ABCA8: variants seen among roughly 807,000 people sequenced by gnomAD.
The protein encoded by ABCA8 is ABC-type organic anion transporter ABCA8.
A neutral mutation model predicts 192.3 loss-of-function variants in ABCA8; 177 were observed. The observed-to-expected ratio is 0.92, with a 90% confidence interval of 0.81 to 1.04. ABCA8 has a LOEUF of 1.04. Ranked by LOEUF, ABCA8 falls within the 50% of genes least tolerant of loss-of-function variation. The probability of loss-of-function intolerance (pLI) is 0.00; values close to 1 mark genes in which losing one functional copy is unlikely to be tolerated. For missense variants in ABCA8, 1,915 were observed against 1,904.8 expected, an observed-to-expected ratio of 1.01 and a Z score of -0.10; for synonymous variants, 642 against 690.2, an observed-to-expected ratio of 0.93 and a Z score of 1.09.
chr17:68,932,819 C>CA (rs2143707603), intron 6 of ABCA8, among the ~76,000 whole-genome samples: 1 of 152,302 alleles, frequency 6.6e-6, no homozygotes, highest in South Asian at 2.1e-4. Context: ...TCTCAAGCTT[C>CA]AAGCTGGAAT....
chr17:68,902,647 G>T (rs2066943472), intron 21 of ABCA8, 66 bp downstream of exon 21: 1 of 1,301,770 alleles, frequency 7.7e-7, no homozygotes, highest in Non-Finnish European at 1.0e-6. Flanking sequence ...CTTTCTCATG[G>T]TTATGTTTTC....
At chr17:68,915,476 A>G (rs1249374349) in intron 17 of ABCA8, among the ~76,000 whole-genome samples, 2 of 152,330 alleles carry the variant, frequency 1.3e-5, no homozygotes, top group South Asian at 2.1e-4. Flanking sequence ...ATCTGAATAG[A>G]TAGTTCCCAA....
rs1162803209 is a variant in ABCA8, at chr17:68,932,488, C to T, written c.597G>A (p.Glu199=). The change falls in exon 7 of 40, where the codon GAG becomes GAA. Residue 199 remains glutamate, a synonymous_variant. Transcript: ENST00000586539. ...TTTTTCCAGTAACTGACATCAGCTC[C>T]TCCATCACTGAGTGATTTGTTGTGA... is the stretch of plus-strand genomic sequence containing the variant. ...IEITTNHSVM[E]ELMSVTGKNM... is the part of the protein sequence containing the mutation. The T allele has an allele frequency of 1.9e-6, 3 of 1,613,510 alleles. No individual in the cohort carries two copies. The highest frequency in any genetic ancestry group is 1.7e-5 in the Admixed American group (1 of 60,022).
intron 17 of ABCA8, among the ~76,000 whole-genome samples, chr17:68,909,256 A>C (rs2067174523): frequency 6.6e-6 from 1 of 152,134 alleles, no homozygotes; most frequent in African/African-American, 2.4e-5. Flanking sequence ...CTAGATAGTA[A>C]ATTTTCTAGG....
rs576385502 is a variant in ABCA8 at position 68,920,673 on chromosome 17, G to A, written c.1612+709C>T. On this transcript the variant is annotated intron_variant, in intron 13 of 39. Coordinates refer to ENST00000586539, the MANE Select transcript of ABCA8 (RefSeq NM_001288985.2). Reference sequence around the variant, plus strand: ...TTAACAGCTGATTTATTTGTCAATTGACTTTGAAAATAAACTAGTTTTTAC... The same window carrying A: ...TTAACAGCTGATTTATTTGTCAATTAACTTTGAAAATAAACTAGTTTTTAC... Among the ~76,000 whole-genome samples the A allele has an allele frequency of 5.3e-5, 8 of 152,094 alleles. No homozygotes were observed. The East Asian group carries it at 5.8e-4, about 11-fold the overall frequency.
At chr17:68,896,764 G>A (rs914276997) in intron 21 of ABCA8, among the ~76,000 whole-genome samples, 2 of 152,148 alleles carry the variant, frequency 1.3e-5, no homozygotes, top group East Asian at 3.8e-4. Flanking sequence ...CCTTTAAGTG[G>A]AAAGGTGAAA....
intron 24 of ABCA8, among the ~76,000 whole-genome samples, chr17:68,890,501 ATT>A (rs1235257312): frequency 6.6e-6 from 1 of 151,848 alleles, no homozygotes; most frequent in Non-Finnish European, 1.5e-5. Flanking sequence ...CTTGCCTTTT[ATT>A]TTATTTTTAA....
At chr17:68,918,652 G>A (rs1452117128) in intron 14 of ABCA8, 106 bp from the exon 15 acceptor site, 2 of 1,145,796 alleles carry the variant, frequency 1.7e-6, no homozygotes, top group Non-Finnish European at 2.3e-6. Flanking sequence ...ACAAACACTG[G>A]GTCAGGCGCG....
intron 2 of ABCA8, among the ~76,000 whole-genome samples, chr17:68,947,977 C>T (rs1299243192): frequency 8.5e-5 from 13 of 152,076 alleles, no homozygotes; most frequent in South Asian, 2.1e-4. Flanking sequence ...CTCCCACTTA[C>T]GAGTAAGAAC....
At chr17:68,881,591 G>A (rs2066337666) in intron 31 of ABCA8, among the ~76,000 whole-genome samples, 2 of 152,218 alleles carry the variant, frequency 1.3e-5, no homozygotes. Context: ...TGAACTTTAG[G>A]AAATCAATTG....
rs1038046751 is a variant in ABCA8 at position 68,929,053 on chromosome 17, G to A, written c.1121C>T (p.Ala374Val). Reference sequence around the variant, plus strand: ...GACATTCAGATGGCATCTCACCTGGGCCATTCCAAGCATGAAGGCAAAGGG... The same window carrying A: ...GACATTCAGATGGCATCTCACCTGGACCATTCCAAGCATGAAGGCAAAGGG... ...LSPFAFMLGM[A>V]QLLHLDYDLN... Residue 374 changes from alanine (A) to valine (V), a missense_variant, in exon 9 of 40, where the codon GCC becomes GTC. Physicochemically the swap from Ala to Val is moderately conservative, Grantham distance 64. Transcript: ENST00000586539. 2 of 1,561,168 alleles carry A rather than the reference G, an allele frequency of 1.3e-6. No homozygotes were observed. The highest frequency in any genetic ancestry group is 1.4e-5 in the African/African-American group (1 of 73,616).
chr17:68,945,263 G>A (rs949767849), intron 2 of ABCA8, among the ~76,000 whole-genome samples: 14 of 152,080 alleles, frequency 9.2e-5, no homozygotes, highest in African/African-American at 3.4e-4. Context: ...GTTTTTCATA[G>A]AATTTGAGCG....
In ABCA8 at chr17:68,870,735, A is replaced by T. The variant is rs551848612; in HGVS notation, c.4632-956T>A. 2.0e-5 allele frequency among the ~76,000 whole-genome samples: 3 copies of T among 152,244 alleles called. No homozygotes were observed. In the East Asian group the frequency reaches 5.8e-4, roughly 29 times the overall value. On this transcript the variant is annotated intron_variant, in intron 37 of 39. Transcript: ENST00000586539. Reference sequence around the variant, plus strand: ...TGTACCTAACACATTTACTTCATCCATTTATCTCTCAGTGAACACTTAGAC... The same window carrying T: ...TGTACCTAACACATTTACTTCATCCTTTTATCTCTCAGTGAACACTTAGAC...
At chr17:68,934,706 T>G (rs1298550624) in intron 5 of ABCA8, among the ~76,000 whole-genome samples, 1 of 151,514 alleles carries the variant, frequency 6.6e-6, no homozygotes, top group Non-Finnish European at 1.5e-5. Context: ...TGATGAGTTA[T>G]AAGTTATGTG....
Position 68,881,854 on chromosome 17 carries a change from A to C in ABCA8, c.3946+9T>G. Reference sequence around the variant, plus strand: ...TCTGAGCCAGAAGTGGAAGATCCCTATGGCCAACCTTTTCTAACACAGAAG... The same window carrying C: ...TCTGAGCCAGAAGTGGAAGATCCCTCTGGCCAACCTTTTCTAACACAGAAG... On this transcript the variant is annotated intron_variant, in intron 31 of 39. Coordinates refer to ENST00000586539, the MANE Select transcript of ABCA8 (RefSeq NM_001288985.2). 13 of 1,593,148 alleles carry C rather than the reference A, an allele frequency of 8.2e-6. No individual in the cohort carries two copies. Among genetic ancestry groups the C allele is most frequent in the African/African-American group, 1.3e-5 (1 of 74,602 alleles).
intron 1 of ABCA8, among the ~76,000 whole-genome samples, chr17:68,951,194 G>A (rs547977619): frequency 6.6e-6 from 1 of 152,236 alleles, no homozygotes; most frequent in South Asian, 2.1e-4. Context: ...TTTCCTTTTT[G>A]CTATGTAACA....
intron 2 of ABCA8, among the ~76,000 whole-genome samples, chr17:68,942,944 C>T (rs1240674956): frequency 1.3e-5 from 2 of 152,068 alleles, no homozygotes; most frequent in South Asian, 2.1e-4. Flanking sequence ...TAAATACATC[C>T]TTGAACACCC....
At chr17:68,919,801 T>G (rs1265351042) in intron 13 of ABCA8, 1 of 176,172 alleles carries the variant, frequency 5.7e-6, no homozygotes, top group African/African-American at 2.4e-5. Flanking sequence ...ATGGGGATCA[T>G]TGGGTGAAGA....
At chr17:68,895,106 G>C in intron 21 of ABCA8, 93 bp from the exon 22 acceptor site, 2 of 1,057,520 alleles carry the variant, frequency 1.9e-6, no homozygotes, top group Non-Finnish European at 2.6e-6. Flanking sequence ...ATTATGTGAA[G>C]CAGTAATATG....
Sources: allele counts gnomAD v4.1 joint callset (sites outside exome capture counted in the v4.1 genomes callset), GRCh38; gene constraint gnomAD v4.1.1; transcripts MANE v1.5; gene names NCBI Gene and HGNC (gene_info 2026-07-23, HGNC 2026-07-21).